SPHKAP: variants seen among roughly 807,000 people sequenced by gnomAD.
SPHKAP encodes SPHK1 interactor, AKAP domain containing.
SPHKAP carries 67 observed loss-of-function variants against 137.5 expected under a neutral mutation model. The ratio of observed to expected loss-of-function variants is 0.49; its 90% CI spans 0.40 to 0.60. The LOEUF (loss-of-function observed/expected upper bound fraction) is 0.60, where lower values mean the gene tolerates loss of function less well. SPHKAP is among the 20% of genes least tolerant of loss of function. The pLI, the probability that SPHKAP is intolerant of heterozygous loss-of-function variation, is 0.00. For synonymous variants in SPHKAP, 813 were observed against 785.3 expected (o/e 1.04, Z -0.59); for missense variants, 2,097 against 2,069.3 (o/e 1.01, Z -0.26).
intron 2 of SPHKAP, among the ~76,000 whole-genome samples, chr2:228,116,771 A>T (rs1056830306): frequency 1.3e-5 from 2 of 152,120 alleles, no homozygotes; most frequent in African/African-American, 4.8e-5. Flanking sequence ...TAATCTTTTG[A>T]TAAACAGTGA....
At chr2:228,016,329 A>G in intron 7 of SPHKAP, 77 bp downstream of exon 7, 4 of 1,478,620 alleles carry the variant, frequency 2.7e-6, no homozygotes, top group Non-Finnish European at 3.6e-6. Context: ...CTTTATGTCT[A>G]AAATTTAGAC....
At chr2:228,022,370 G>A (rs572604670) in intron 5 of SPHKAP, 140 of 160,390 alleles carry the variant, frequency 8.7e-4, no homozygotes, top group Non-Finnish European at 1.2e-3. Flanking sequence ...CTAGAGTGAT[G>A]GGGGAGATCA....
chr2:228,089,668 C>A (rs1466772358), intron 3 of SPHKAP, among the ~76,000 whole-genome samples: 1 of 152,298 alleles, frequency 6.6e-6, no homozygotes, highest in South Asian at 2.1e-4. Context: ...CAGGGGCAGG[C>A]ACAGGGCACC....
chr2:227,984,299 C>CAAAAAAA (rs61461358), intron 11 of SPHKAP, among the ~76,000 whole-genome samples: 1 of 52,832 alleles, frequency 1.9e-5, no homozygotes, highest in Non-Finnish European at 4.0e-5. Context: ...GACTCCATCT[C>CAAAAAAA]AAAAAAAAAA....
intron 2 of SPHKAP, among the ~76,000 whole-genome samples, chr2:228,124,587 G>A (rs1699012863): frequency 7.6e-6 from 1 of 131,744 alleles, no homozygotes; most frequent in African/African-American, 2.8e-5. Flanking sequence ...CTGTCGTGGG[G>A]TGGGGGGAGG....
chr2:228,022,081 A>G (rs912157583), intron 5 of SPHKAP, 115 bp from the exon 6 acceptor site: 5 of 1,359,824 alleles, frequency 3.7e-6, no homozygotes, highest in Non-Finnish European at 4.7e-6. Flanking sequence ...GACCTTTAAA[A>G]TATTTGAAAT....
At chr2:228,052,829 T>C (rs1170513280) in intron 3 of SPHKAP, among the ~76,000 whole-genome samples, 1 of 152,142 alleles carries the variant, frequency 6.6e-6, no homozygotes, top group East Asian at 1.9e-4. Flanking sequence ...TACATTTATA[T>C]TTAAGAATGA....
At chr2:228,070,885 A>T (rs547324961) in intron 3 of SPHKAP, among the ~76,000 whole-genome samples, 1 of 152,274 alleles carries the variant, frequency 6.6e-6, no homozygotes, top group South Asian at 2.1e-4. Flanking sequence ...AGTTAGAGAC[A>T]TTATGTTTGG....
At chr2:228,099,732 G>T (rs1345803575) in intron 3 of SPHKAP, among the ~76,000 whole-genome samples, 5 of 152,040 alleles carry the variant, frequency 3.3e-5, no homozygotes, top group African/African-American at 1.2e-4. Flanking sequence ...TCTTTGTAGA[G>T]ATCTTTCACC....
At chr2:228,060,807 G>A (rs1696607592) in intron 3 of SPHKAP, among the ~76,000 whole-genome samples, 1 of 152,158 alleles carries the variant, frequency 6.6e-6, no homozygotes. Context: ...GCATTCCCCA[G>A]AGAAAGGGGG....
At chr2:228,055,262 A>G (rs1045732593) in intron 3 of SPHKAP, among the ~76,000 whole-genome samples, 3 of 152,112 alleles carry the variant, frequency 2.0e-5, no homozygotes, top group African/African-American at 7.2e-5. Context: ...CAATGAGGAG[A>G]GAGAAATGGA....
chr2:228,134,029 A>AAAGAAAGGAAGGAAGG (rs1354957288), intron 1 of SPHKAP, among the ~76,000 whole-genome samples: 1 of 152,018 alleles, frequency 6.6e-6, no homozygotes, highest in African/African-American at 2.4e-5. Context: ...AGGAAAGATA[A>AAAGAAAGGAAGGAAGG]AAGAAAGGAA....
At position 228,018,959 on chromosome 2, in the gene SPHKAP, G is replaced by C. The variant is rs1694724015; in HGVS notation, c.1895C>G (p.Thr632Ser). Residue 632 changes from threonine (T) to serine (S), a missense_variant, in exon 7 of 12, where the codon ACC (threonine) becomes AGC (serine). By Grantham distance (58) the Thr-to-Ser change is moderately conservative (BLOSUM62 1). Coordinates refer to ENST00000392056, the MANE Select transcript of SPHKAP (RefSeq NM_001142644.2). Reference protein sequence around the residue: ...EAALVLTRPNTYSSIGDFLDS... With the variant: ...EAALVLTRPNSYSSIGDFLDS... Reference sequence around the variant, plus strand: ...CAGAAAGTCTCCAATGCTGCTGTAGGTATTAGGCCTTGTTAAAACCAGAGC... The same window carrying C: ...CAGAAAGTCTCCAATGCTGCTGTAGCTATTAGGCCTTGTTAAAACCAGAGC... The C allele has an allele frequency of 3.1e-6, 5 of 1,614,164 alleles. No homozygotes were observed. The East Asian group carries it at 1.1e-4, about 36-fold the overall frequency.
intron 1 of SPHKAP, among the ~76,000 whole-genome samples, chr2:228,153,579 A>G (rs1261819067): frequency 6.6e-6 from 1 of 152,212 alleles, no homozygotes; most frequent in Non-Finnish European, 1.5e-5. Context: ...GAAGTCAAGT[A>G]TCAGTCTAGT....
At chr2:227,987,833 C>A (rs1693268198) in intron 11 of SPHKAP, among the ~76,000 whole-genome samples, 1 of 152,100 alleles carries the variant, frequency 6.6e-6, no homozygotes, top group Non-Finnish European at 1.5e-5. Flanking sequence ...ATTGGGAACA[C>A]AGTAAAATAA....
At chr2:228,014,128 A>T (rs1244209967) in intron 7 of SPHKAP, among the ~76,000 whole-genome samples, 3 of 152,190 alleles carry the variant, frequency 2.0e-5, no homozygotes, top group Non-Finnish European at 4.4e-5. Flanking sequence ...ATTCAACTTC[A>T]GTGACAATTG....
chr2:228,154,654 T>A (rs1358908996), intron 1 of SPHKAP, among the ~76,000 whole-genome samples: 8 of 141,644 alleles, frequency 5.6e-5, no homozygotes, highest in African/African-American at 2.1e-4. Flanking sequence ...GTTCACGCCA[T>A]TCTCCTACCT....
At chr2:228,141,276 T>C (rs891131012) in intron 1 of SPHKAP, among the ~76,000 whole-genome samples, 2 of 152,230 alleles carry the variant, frequency 1.3e-5, no homozygotes, top group African/African-American at 2.4e-5. Flanking sequence ...CTTAGTTTTC[T>C]CATCTGTAAA....
intron 3 of SPHKAP, among the ~76,000 whole-genome samples, chr2:228,070,147 C>T (rs1024193545): frequency 6.6e-6 from 1 of 152,190 alleles, no homozygotes; most frequent in African/African-American, 2.4e-5. Flanking sequence ...AACTTAACTA[C>T]TAATAGCTTA....
Sources: gnomAD v4.1 joint callset for allele counts (sites outside exome capture counted in the v4.1 genomes callset) on GRCh38, gnomAD v4.1.1 for gene constraint, MANE v1.5 for transcripts, NCBI Gene and HGNC (gene_info 2026-07-23, HGNC 2026-07-21) for gene names.